Variants in SORCS2 observed in about 807,000 individuals in gnomAD.
SORCS2 encodes the protein VPS10 domain-containing receptor SorCS2.
SORCS2 carries 100 observed loss-of-function variants against 141.6 expected under a neutral mutation model. The observed-to-expected ratio is 0.71, with a 90% CI of 0.60 to 0.83. The LOEUF is 0.83. Among genes scored for constraint, SORCS2 ranks in the 40% least tolerant of loss-of-function variants. The probability of loss-of-function intolerance (pLI) is 0.00; values close to 1 mark genes in which losing one functional copy is unlikely to be tolerated. For missense variants in SORCS2, 1,646 were observed against 1,560.2 expected (o/e 1.05, Z -0.93); for synonymous variants, 789 against 676.9 (o/e 1.17, Z -2.57).
At chr4:7,724,579 ATGGTGGTGGTGTTGG>A (rs1404238819) in intron 19 of SORCS2, among the ~76,000 whole-genome samples, 8 of 37,630 alleles carry the variant, frequency 2.1e-4, no homozygotes, top group Admixed American at 6.2e-4. Flanking sequence ...GGTGATGGTG[ATGGTGGTGGTGTTGG>A]TGATGGTGGT....
intron 3 of SORCS2, 78 bp downstream of exon 3, chr4:7,531,707 C>A (rs1358687903): frequency 2.1e-6 from 3 of 1,401,988 alleles, no homozygotes; most frequent in East Asian, 4.8e-5. Context: ...GAAGCTGCTG[C>A]CCTGCCCTGC....
At chr4:7,467,259 G>A (rs973219997) in intron 2 of SORCS2, among the ~76,000 whole-genome samples, 8 of 152,140 alleles carry the variant, frequency 5.3e-5, no homozygotes, top group Admixed American at 1.3e-4. Context: ...CAGCCCCCAC[G>A]CTGCTGCCTT....
At chr4:7,276,255 T>A (rs1715495553) in intron 1 of SORCS2, among the ~76,000 whole-genome samples, 1 of 152,140 alleles carries the variant, frequency 6.6e-6, no homozygotes, top group Non-Finnish European at 1.5e-5. Context: ...TGAGATGTCA[T>A]GGGGCTTTGG....
At chr4:7,616,266 C>T (rs138417502) in intron 3 of SORCS2, among the ~76,000 whole-genome samples, 8 of 152,246 alleles carry the variant, frequency 5.3e-5, no homozygotes, top group Admixed American at 3.9e-4. Context: ...CTCTGAGTGC[C>T]GCTAGCCAAC....
At chr4:7,212,423 G>C (rs1728109065) in intron 1 of SORCS2, among the ~76,000 whole-genome samples, 1 of 152,240 alleles carries the variant, frequency 6.6e-6, no homozygotes, top group Non-Finnish European at 1.5e-5. Context: ...ACTAGCTGAA[G>C]TGAAAAATGG....
At chr4:7,683,536 A>T (rs1244322262) in intron 10 of SORCS2, among the ~76,000 whole-genome samples, 2 of 152,258 alleles carry the variant, frequency 1.3e-5, no homozygotes, top group African/African-American at 4.8e-5. Flanking sequence ...TGATACCAGA[A>T]GTACAAGAGG....
intron 4 of SORCS2, among the ~76,000 whole-genome samples, chr4:7,643,488 T>C (rs768807572): frequency 6.6e-6 from 1 of 152,198 alleles, no homozygotes. Flanking sequence ...TGGTGAGAAA[T>C]TGATCTGAGC....
At chr4:7,611,039 G>T (rs1718371288) in intron 3 of SORCS2, among the ~76,000 whole-genome samples, 1 of 152,164 alleles carries the variant, frequency 6.6e-6, no homozygotes, top group Non-Finnish European at 1.5e-5. Flanking sequence ...TGCCCATCTG[G>T]CACCACAGAA....
At chr4:7,306,128 G>A (rs1183375552) in intron 1 of SORCS2, among the ~76,000 whole-genome samples, 8 of 152,162 alleles carry the variant, frequency 5.3e-5, no homozygotes, top group South Asian at 2.1e-4. Flanking sequence ...CCCATCCCAC[G>A]CTCCCTGAAA....
intron 3 of SORCS2, among the ~76,000 whole-genome samples, chr4:7,575,771 G>C (rs1715710686): frequency 6.6e-6 from 1 of 152,188 alleles, no homozygotes; most frequent in Non-Finnish European, 1.5e-5. Flanking sequence ...ATCAGGATCA[G>C]AGAGGTTAAC....
chr4:7,194,373 C>T (rs993762508), intron 1 of SORCS2, among the ~76,000 whole-genome samples: 2 of 152,202 alleles, frequency 1.3e-5, no homozygotes, highest in African/African-American at 4.8e-5. Flanking sequence ...GGGCTACTCC[C>T]AGCCAGCTGT....
At chr4:7,703,943 A>C (rs1725247234) in intron 13 of SORCS2, among the ~76,000 whole-genome samples, 2 of 152,242 alleles carry the variant, frequency 1.3e-5, no homozygotes, top group South Asian at 4.1e-4. Context: ...GGGGAGGCAA[A>C]GTGTCTGTGT....
intron 3 of SORCS2, among the ~76,000 whole-genome samples, chr4:7,565,727 G>GTGA (rs374210116): frequency 3.4e-4 from 52 of 150,770 alleles, no homozygotes; most frequent in African/African-American, 1.1e-3. Flanking sequence ...TGCTGTGATG[G>GTGA]TGATGATGAT....
At chr4:7,678,431 CTG>C (rs1723305239) in intron 9 of SORCS2, among the ~76,000 whole-genome samples, 1 of 148,700 alleles carries the variant, frequency 6.7e-6, no homozygotes, top group Non-Finnish European at 1.5e-5. Flanking sequence ...AAGCACAACT[CTG>C]GAGCCTGACT....
At chr4:7,322,971 C>CTTTT (rs112892465) in intron 1 of SORCS2, among the ~76,000 whole-genome samples, 44 of 151,810 alleles carry the variant, frequency 2.9e-4, no homozygotes, top group Middle Eastern at 6.9e-3. Context: ...CGGCCCTGCC[C>CTTTT]GTTTTTTATC....
intron 2 of SORCS2, among the ~76,000 whole-genome samples, chr4:7,488,101 C>T (rs762233814): frequency 3.3e-5 from 5 of 152,120 alleles, no homozygotes; most frequent in African/African-American, 4.8e-5. Flanking sequence ...AGGAGAGGTT[C>T]GGAAATTAAG....
Position 7,729,672 on chromosome 4 carries a change from C to T in SORCS2, c.3068C>T (p.Pro1023Leu). The T allele has an allele frequency of 1.2e-6, 2 of 1,609,274 alleles. No homozygotes were observed. The highest frequency in any genetic ancestry group is 1.7e-5 in the Admixed American group (1 of 59,518). ...GCCGATCTGTACGTGCTCCTGCCCC[C>T]TCCCAGGCCCACAAGGAAGAGGAGC... is the stretch of plus-strand genomic sequence containing the variant. ...TLADLYVLLP[P>L]PRPTRKRSLS... The change falls in exon 23 of 27, where the codon CCT becomes CTT. Residue 1023 changes from proline to leucine, a missense_variant. Physicochemically the swap from Pro to Leu is moderately conservative, Grantham distance 98 (BLOSUM62 -3). Transcript: ENST00000507866.
chr4:7,663,767 G>A lies in SORCS2; in HGVS notation c.953-586G>A, dbSNP rs893807585. Reference sequence around the variant, plus strand: ...AGGAGGAGGAGGCACCCTTCCCTTGGTCCCCTTGGATAAATCTTCCTCCTG... The same window carrying A: ...AGGAGGAGGAGGCACCCTTCCCTTGATCCCCTTGGATAAATCTTCCTCCTG... On this transcript the variant is annotated intron_variant, in intron 6 of 26. Transcript: ENST00000507866. This position sits in a 1 kb window ranked among gnomAD's most constrained non-coding sequence, Gnocchi z 4.8. 6.6e-6 allele frequency among the ~76,000 whole-genome samples: 1 copy of A among 152,152 alleles called. No homozygotes were observed. The highest frequency in any genetic ancestry group is 2.1e-4 in the South Asian group (1 of 4,824).
At chr4:7,490,088 C>A (rs1731225783) in intron 2 of SORCS2, among the ~76,000 whole-genome samples, 1 of 152,104 alleles carries the variant, frequency 6.6e-6, no homozygotes, top group South Asian at 2.1e-4. Context: ...GCGGGAGGGC[C>A]CTGGGCTGAC....
Sources: gnomAD v4.1 joint callset for allele counts (sites outside exome capture counted in the v4.1 genomes callset) on GRCh38, gnomAD v4.1.1 for gene constraint, Gnocchi (gnomAD v3.1) non-coding constraint, MANE v1.5 for transcripts, NCBI Gene and HGNC (gene_info 2026-07-23, HGNC 2026-07-21) for gene names.